PNLIPRP1: variants seen among roughly 807,000 people sequenced by gnomAD.
PNLIPRP1 encodes the protein pancreatic lipase related protein 1, also known as inactive pancreatic lipase-related protein 1.
PNLIPRP1 carries 57 observed loss-of-function variants against 54.6 expected under a neutral mutation model. The ratio of observed to expected loss-of-function variants is 1.04; its 90% CI spans 0.84 to 1.30. The LOEUF is 1.30. Among genes scored for constraint, PNLIPRP1 ranks in the 50% most tolerant of loss-of-function variants. PNLIPRP1 has a pLI of 0.00. For synonymous variants in PNLIPRP1, 232 were observed against 208.8 expected (o/e 1.11, Z -0.96); for missense variants, 567 against 568.5 (o/e 1.00, Z 0.03).
At chr10:116,603,790 G>C (rs1475244483) in intron 10 of PNLIPRP1, among the ~76,000 whole-genome samples, 1 of 152,174 alleles carries the variant, frequency 6.6e-6, no homozygotes, top group South Asian at 2.1e-4. Context: ...CTACTAGGGA[G>C]GTTGAGGCAG....
intron 12 of PNLIPRP1, among the ~76,000 whole-genome samples, chr10:116,608,107 C>T (rs1554865788): frequency 6.6e-6 from 1 of 152,162 alleles, no homozygotes; most frequent in East Asian, 1.9e-4. Context: ...CCACCTGCCT[C>T]GACCTCCCAA....
chr10:116,595,175 CA>C lies in PNLIPRP1; in HGVS notation c.465+312del, dbSNP rs540609921. 488 of 316,902 alleles carry C rather than the reference CA, an allele frequency of 1.5e-3. 3 individuals are homozygous for C. Among genetic ancestry groups the C allele is most frequent in the African/African-American group, 9.9e-3 (469 of 47,254 alleles). 19.6% of individuals were successfully genotyped at this position (316,902 alleles called of 1,614,324 possible). On this transcript the variant is annotated intron_variant, in intron 5 of 12. Coordinates refer to ENST00000358834, the MANE Select transcript of PNLIPRP1 (RefSeq NM_006229.4). ...TGAATAGAAGACCTGCCTTTTGATC[CA>C]GACCATCTAGCTTCAGAATTCACCC... is the stretch of plus-strand genomic sequence containing the variant.
chr10:116,606,050 G>A (rs946925345), intron 12 of PNLIPRP1, among the ~76,000 whole-genome samples: 3 of 152,216 alleles, frequency 2.0e-5, no homozygotes, highest in East Asian at 1.9e-4. Context: ...GCACAGGGCC[G>A]TGGGTAGGAA....
chr10:116,596,306 C>A lies in PNLIPRP1; in HGVS notation c.558C>A (p.Gly186=), dbSNP rs1847735067. Residue 186 remains glycine (G), a synonymous_variant, in exon 6 of 13, where the codon GGC becomes GGA. Transcript: ENST00000358834. ...GAGAGGCAGGAAGCAAGACTCCAGGCCTGAGCAGGATTACAGGTAAGGCCC... is the reference window on the plus strand; with the variant it reads ...GAGAGGCAGGAAGCAAGACTCCAGGACTGAGCAGGATTACAGGTAAGGCCC... ...VAGEAGSKTP[G]LSRITGLDPV... is the part of the protein sequence containing the mutation. 1 of 1,611,092 alleles carries A rather than the reference C, an allele frequency of 6.2e-7. No homozygotes were observed. Among genetic ancestry groups the A allele is most frequent in the Admixed American group, 1.7e-5 (1 of 59,990 alleles).
intron 6 of PNLIPRP1, among the ~76,000 whole-genome samples, chr10:116,597,159 C>G (rs566684694): frequency 6.6e-6 from 1 of 152,100 alleles, no homozygotes; most frequent in Admixed American, 6.5e-5. Flanking sequence ...TGTAATGAAG[C>G]CTTCAAAAAC....
chr10:116,604,236 TG>T, intron 11 of PNLIPRP1, 98 bp downstream of exon 11: 1 of 580,322 alleles, frequency 1.7e-6, no homozygotes, highest in Non-Finnish European at 3.0e-6. Context: ...TATATGTCAC[TG>T]GTTTTTAATT....
intron 8 of PNLIPRP1, among the ~76,000 whole-genome samples, chr10:116,598,808 G>A (rs1847780320): frequency 6.6e-6 from 1 of 152,166 alleles, no homozygotes; most frequent in South Asian, 2.1e-4. Context: ...AGGCCAAAAG[G>A]ACAATGGACA....
chr10:116,603,905 T>C, intron 10 of PNLIPRP1, 125 bp from the exon 11 acceptor site: 1 of 512,222 alleles, frequency 2.0e-6, no homozygotes, highest in Non-Finnish European at 3.5e-6. Flanking sequence ...AAAATAATAA[T>C]AATAATTTTT....
chr10:116,600,810 T>C (rs1227096384), intron 9 of PNLIPRP1, among the ~76,000 whole-genome samples: 1 of 152,212 alleles, frequency 6.6e-6, no homozygotes, highest in African/African-American at 2.4e-5. Flanking sequence ...CCAGCTCCAC[T>C]CAACAGAAGG....
chr10:116,602,358 C>G (rs1235466131), intron 10 of PNLIPRP1, among the ~76,000 whole-genome samples: 1 of 152,156 alleles, frequency 6.6e-6, no homozygotes, highest in Non-Finnish European at 1.5e-5. Context: ...ATTGATTAAT[C>G]AATCCTTCCA....
At chr10:116,591,309 T>A in intron 2 of PNLIPRP1, 131 bp downstream of exon 2, 1 of 690,124 alleles carries the variant, frequency 1.4e-6, no homozygotes. Context: ...GGGCTGACAC[T>A]CTGCCTGGGA....
chr10:116,593,063 G>A (rs1847668715), intron 4 of PNLIPRP1: 2 of 171,040 alleles, frequency 1.2e-5, no homozygotes, highest in African/African-American at 4.8e-5. Flanking sequence ...AGCTACTTGG[G>A]AGGCTGAGGC....
intron 5 of PNLIPRP1, chr10:116,595,268 C>T (rs183127947): frequency 3.1e-4 from 68 of 218,220 alleles, no homozygotes; most frequent in African/African-American, 1.4e-3. Flanking sequence ...AGAGAGCCAA[C>T]GGACAGTACG....
At chr10:116,607,874 A>C (rs187317500) in intron 12 of PNLIPRP1, among the ~76,000 whole-genome samples, 3 of 152,308 alleles carry the variant, frequency 2.0e-5, no homozygotes, top group African/African-American at 7.2e-5. Flanking sequence ...AGAATGACTG[A>C]GATGGAATCT....
Position 116,594,833 on chromosome 10 carries a change from C to A in PNLIPRP1, c.434C>A (p.Ala145Asp). The change falls in exon 5 of 13, where the codon GCC becomes GAC. Residue 145 changes from alanine to aspartate, a missense_variant. Transcript: ENST00000358834. ...QAANNVRVVG[A>D]QVAQMLDILL... ...GCCAACAACGTGCGAGTGGTGGGCG[C>A]CCAGGTGGCCCAGATGCTCGACATC... 2 of 1,614,042 alleles carry A rather than the reference C, an allele frequency of 1.2e-6. No individual in the cohort carries two copies.
At chr10:116,600,234 G>A (rs975944922) in intron 9 of PNLIPRP1, 69 bp downstream of exon 9, 2 of 1,007,174 alleles carry the variant, frequency 2.0e-6, no homozygotes, top group South Asian at 1.3e-5. Flanking sequence ...GCTGCGTTTG[G>A]GATTTGCAAT....
At chr10:116,600,427 C>T in intron 9 of PNLIPRP1, 1 of 336,858 alleles carries the variant, frequency 3.0e-6, no homozygotes, top group Non-Finnish European at 5.5e-6. Flanking sequence ...ATAGAGGCTT[C>T]CTGCAGGAGG....
intron 12 of PNLIPRP1, 48 bp downstream of exon 12, chr10:116,605,601 T>A (rs782057233): frequency 1.0e-5 from 14 of 1,365,850 alleles, no homozygotes; most frequent in African/African-American, 1.4e-5. Flanking sequence ...CAGAGATTCA[T>A]GTTATAATGA....
At position 116,598,056 on chromosome 10, in the gene PNLIPRP1, C is replaced by T. The variant is rs147786434; in HGVS notation, c.704C>T (p.Thr235Met). 1.6e-4 allele frequency: 263 copies of T among 1,613,860 alleles called. No individual in the cohort carries two copies. The highest frequency in any genetic ancestry group is 1.6e-4 in the Middle Eastern group (1 of 6,084). Reference protein sequence around the residue: ...APLIPFLGFGTNQQMGHLDFF... With the variant: ...APLIPFLGFGMNQQMGHLDFF... ...TTTCTAAGCATTTCAGGTTTTGGAA[C>T]GAACCAACAGATGGGTCATCTTGAC... The change falls in exon 8 of 13, where the codon ACG (threonine) becomes ATG (methionine). Residue 235 changes from threonine to methionine, a missense_variant. Transcript: ENST00000358834.
Sources: allele counts gnomAD v4.1 joint callset (sites outside exome capture counted in the v4.1 genomes callset), GRCh38; gene constraint gnomAD v4.1.1; transcripts MANE v1.5; gene names NCBI Gene and HGNC (gene_info 2026-07-23, HGNC 2026-07-21).